The following LRRC7 variants were observed in gnomAD, a reference collection of about 807,000 sequenced individuals.
LRRC7 encodes the protein leucine-rich repeat-containing protein 7.
In LRRC7, 23 loss-of-function variants were observed where a neutral mutation model predicts 175.7. The observed-to-expected ratio is 0.13, with a 90% CI of 0.09 to 0.19. The LOEUF is 0.19. LRRC7 is among the 10% of genes least tolerant of loss of function. LRRC7 has a pLI of 1.00. For synonymous variants in LRRC7, 685 were observed against 680.9 expected (o/e 1.01, Z -0.09); for missense variants, 1,354 against 1,904.7 (o/e 0.71, Z 5.38).
intron 3 of LRRC7, among the ~76,000 whole-genome samples, chr1:69,762,948 T>C (rs1671196574): frequency 6.6e-6 from 1 of 152,006 alleles, no homozygotes; most frequent in African/African-American, 2.4e-5. Context: ...GTTGAATTTT[T>C]TTTACTTTCA....
rs72675067 is a variant in LRRC7 at position 69,802,220 on chromosome 1, A to G, written c.421+10060A>G. ...GCTGTTGTTAAATCAAATGTTCTGT[A>G]TGTCTATTAGGCCCATTTGGTCTAA... On this transcript the variant is annotated intron_variant, in intron 4 of 26. Transcript: ENST00000651989. Among the ~76,000 whole-genome samples, 224 of 151,638 alleles carry G rather than the reference A, an allele frequency of 1.5e-3. 2 individuals are homozygous for G. Among genetic ancestry groups the G allele is most frequent in the Non-Finnish European group, 8.0e-4 (54 of 67,584 alleles).
rs555458171 is a variant in LRRC7, at chr1:69,867,855, G to A, written c.647+29572G>A. Among the ~76,000 whole-genome samples, 9 of 152,182 alleles carry A rather than the reference G, an allele frequency of 5.9e-5. No individual in the cohort carries two copies. The East Asian group carries it at 1.7e-3, about 29-fold the overall frequency. Reference sequence around the variant, plus strand: ...AAAGTTTGAAGAAACTTAGAGGATAGGACAGGTACTAGATTAAAATAATGA... The same window carrying A: ...AAAGTTTGAAGAAACTTAGAGGATAAGACAGGTACTAGATTAAAATAATGA... On this transcript the variant is annotated intron_variant, in intron 7 of 26. Transcript: ENST00000651989.
At chr1:69,764,777 A>ATAGATAGT (rs1671444377) in intron 3 of LRRC7, among the ~76,000 whole-genome samples, 1 of 147,568 alleles carries the variant, frequency 6.8e-6, no homozygotes, top group Non-Finnish European at 1.5e-5. Flanking sequence ...AGATAGATAG[A>ATAGATAGT]TAGACAGACA....
chr1:69,573,887 T>C (rs1003958447), intron 1 of LRRC7, among the ~76,000 whole-genome samples: 1 of 152,192 alleles, frequency 6.6e-6, no homozygotes, highest in African/African-American at 2.4e-5. Flanking sequence ...ATGATGTGTT[T>C]AAATATTTTA....
At chr1:70,079,675 G>A (rs1663067790) in intron 24 of LRRC7, among the ~76,000 whole-genome samples, 1 of 152,172 alleles carries the variant, frequency 6.6e-6, no homozygotes, top group South Asian at 2.1e-4. Context: ...CGTGCTATGT[G>A]TTTTACACTC....
intron 3 of LRRC7, among the ~76,000 whole-genome samples, chr1:69,784,814 A>G (rs1021540270): frequency 8.5e-5 from 13 of 152,088 alleles, no homozygotes; most frequent in Non-Finnish European, 7.4e-5. Context: ...TCTTTGGTGC[A>G]TGAGTTATTA....
At chr1:69,911,330 G>T (rs145779400) in intron 7 of LRRC7, among the ~76,000 whole-genome samples, 12 of 152,084 alleles carry the variant, frequency 7.9e-5, no homozygotes, top group African/African-American at 2.9e-4. Context: ...GTTCCTATTC[G>T]GCCTTCTTGG....
chr1:70,014,087 C>T (rs1656763411), intron 13 of LRRC7: 1 of 151,968 alleles, frequency 6.6e-6, no homozygotes, highest in Non-Finnish European at 1.5e-5. Context: ...AAGCTTTATG[C>T]ATCAAGAGCA....
chr1:70,066,868 G>A (rs1231985333), intron 23 of LRRC7, among the ~76,000 whole-genome samples: 1 of 151,986 alleles, frequency 6.6e-6, no homozygotes, highest in Non-Finnish European at 1.5e-5. Context: ...GAGTAATTTA[G>A]TTTTTCTTCA....
In LRRC7 at chr1:70,123,022, G is replaced by A; in HGVS notation, c.*1135G>A. On this transcript the variant is annotated 3_prime_UTR_variant, in exon 27 of 27. Transcript: ENST00000651989. ...ATTTCAATGGCTGTTTTTCTGGGCA[G>A]AAATAGATAAAATACTTTTTTTCCA... 1 of 152,466 alleles carries A rather than the reference G, an allele frequency of 6.6e-6. No individual in the cohort carries two copies. The highest frequency in any genetic ancestry group is 1.9e-4 in the East Asian group (1 of 5,202). The allele number at this position is 152,466 out of a possible 1,614,324, so 9.4% of individuals were successfully genotyped here.
At chr1:69,895,461 A>C (rs747204829) in intron 7 of LRRC7, among the ~76,000 whole-genome samples, 2 of 152,168 alleles carry the variant, frequency 1.3e-5, no homozygotes, top group Non-Finnish European at 2.9e-5. Context: ...TTGTATACTA[A>C]TAAACTCTAA....
At chr1:70,088,397 A>G (rs1663770526) in intron 24 of LRRC7, among the ~76,000 whole-genome samples, 2 of 151,998 alleles carry the variant, frequency 1.3e-5, no homozygotes, top group Admixed American at 1.3e-4. Flanking sequence ...TCTCTAGAAA[A>G]AGAAACAAAC....
chr1:69,669,524 T>C (rs227100), intron 1 of LRRC7, among the ~76,000 whole-genome samples: 22,339 of 152,198 alleles, frequency 0.15, 1,879 homozygotes, highest in South Asian at 0.2. Flanking sequence ...CTTTGGGAGT[T>C]TGATTATTAA....
At chr1:70,037,289 T>C (rs180697512) in intron 20 of LRRC7, among the ~76,000 whole-genome samples, 186 of 152,362 alleles carry the variant, frequency 1.2e-3, no homozygotes, top group African/African-American at 4.4e-3. Context: ...CATATTTTAC[T>C]GATAATATTG....
At chr1:69,926,570 CTTT>C (rs1004058514) in intron 7 of LRRC7, among the ~76,000 whole-genome samples, 1 of 148,516 alleles carries the variant, frequency 6.7e-6, no homozygotes, top group African/African-American at 2.5e-5. Flanking sequence ...TAATGGCCTT[CTTT>C]GTCTCTTTTG....
At position 70,038,255 on chromosome 1, in the gene LRRC7, C is replaced by A; in HGVS notation, c.2431C>A (p.His811Asn). The A allele has an allele frequency of 6.2e-7, 1 of 1,614,158 alleles. No homozygotes were observed. The highest frequency in any genetic ancestry group is 8.5e-7 in the Non-Finnish European group (1 of 1,180,014). The part of the protein sequence containing the change: ...TFTDNWTDGS[H>N]YDNTGFVAEE... ...CACTGACAACTGGACTGATGGCTCG[C>A]ATTATGACAACACAGGGTTTGTTGC... The change falls in exon 21 of 27, where the codon CAT (histidine) becomes AAT (asparagine). Residue 811 changes from histidine to asparagine, a missense_variant. Physicochemically the swap from His to Asn is moderately conservative, Grantham distance 68 (BLOSUM62 1). This residue lies in a region of LRRC7 where 1,032 missense variants were observed against 1,227.2 expected (regional missense o/e 0.84). Coordinates refer to ENST00000651989, the MANE Select transcript of LRRC7 (RefSeq NM_001370785.2).
In LRRC7 at chr1:70,039,563, A is replaced by C; in HGVS notation, c.3739A>C (p.Ser1247Arg). 1 of 1,614,086 alleles carries C rather than the reference A, an allele frequency of 6.2e-7. No homozygotes were observed. The highest frequency in any genetic ancestry group is 8.5e-7 in the Non-Finnish European group (1 of 1,180,014). The change falls in exon 21 of 27, where the codon AGT (serine) becomes CGT (arginine). Residue 1247 changes from serine to arginine, a missense_variant. Ser to Arg is a moderately radical substitution (Grantham distance 110). Transcript: ENST00000651989. ...PLSARSYSTE[S>R]YGASQTRPVS... Reference sequence around the variant, plus strand: ...GTCTGCGAGAAGCTACAGTACAGAGAGTTACGGTGCCTCCCAAACCAGGCC... The same window carrying C: ...GTCTGCGAGAAGCTACAGTACAGAGCGTTACGGTGCCTCCCAAACCAGGCC...
chr1:69,735,156 A>G (rs994606353), intron 2 of LRRC7, among the ~76,000 whole-genome samples: 3 of 151,992 alleles, frequency 2.0e-5, no homozygotes, highest in Non-Finnish European at 4.4e-5. Context: ...GGTTTTCTAT[A>G]ACAACATTAT....
At chr1:69,699,179 C>G (rs1663010006) in intron 2 of LRRC7, among the ~76,000 whole-genome samples, 1 of 152,152 alleles carries the variant, frequency 6.6e-6, no homozygotes, top group Admixed American at 6.5e-5. Context: ...AAGAACTTAC[C>G]TGGCTAGAGG....
Sources: gnomAD v4.1 joint callset for allele counts (sites outside exome capture counted in the v4.1 genomes callset) on GRCh38, gnomAD v4.1.1 for gene constraint, gnomAD v4.1.1 regional missense constraint, MANE v1.5 for transcripts, NCBI Gene and HGNC (gene_info 2026-07-23, HGNC 2026-07-21) for gene names.